The following DEF8 variants were observed in gnomAD, a reference collection of about 807,000 sequenced individuals.
DEF8 encodes differentially expressed in FDCP 8 homolog, also known as DEF-8.
Under a neutral mutation model 59.1 loss-of-function variants are expected in DEF8, and 38 were observed. The ratio of observed to expected loss-of-function variants is 0.64; its 90% CI spans 0.50 to 0.84. The LOEUF (loss-of-function observed/expected upper bound fraction) is 0.84, where lower values mean the gene tolerates loss of function less well. Ranked by LOEUF, DEF8 falls within the 40% of genes least tolerant of loss-of-function variation. The probability of loss-of-function intolerance (pLI) is 0.00; values close to 1 mark genes in which losing one functional copy is unlikely to be tolerated. For missense variants in DEF8, 557 were observed against 615.2 expected (o/e 0.91, Z 1.00); for synonymous variants, 265 against 250.1 (o/e 1.06, Z -0.56).
At chr16:89,964,881 C>G (rs888334329) in intron 12 of DEF8, among the ~76,000 whole-genome samples, 1 of 152,164 alleles carries the variant, frequency 6.6e-6, no homozygotes, top group African/African-American at 2.4e-5. Flanking sequence ...TCACAGCATC[C>G]CAGCTGCTCC....
rs746853604 is a variant in DEF8, at chr16:89,964,241, C to T, written c.1074C>T (p.Ala358=). 266 of 1,606,510 alleles carry T rather than the reference C, an allele frequency of 1.7e-4. 1 individual carries two copies. The Admixed American group carries it at 3.9e-3, about 23-fold the overall frequency. ...TCCAGGACCTCCTGGACGTGCATGC[C>T]GGCCGCCTGGGCTGCTCGCTCACCG... ...YSVQDLLDVH[A]GRLGCSLTEI... The change falls in exon 11 of 13, where the codon GCC becomes GCT. Residue 358 remains alanine (A), a synonymous_variant. Coordinates refer to ENST00000563594, the MANE Select transcript of DEF8 (RefSeq NM_001242818.2).
intron 2 of DEF8, chr16:89,949,933 C>A: frequency 1.2e-6 from 1 of 830,956 alleles, no homozygotes; most frequent in African/African-American, 1.8e-5. Context: ...GCCGGCATCC[C>A]CAGGTCTGTG....
chr16:89,957,793 A>T (rs541226021), intron 5 of DEF8, 133 bp downstream of exon 5: 5 of 1,132,172 alleles, frequency 4.4e-6, no homozygotes, highest in Middle Eastern at 3.0e-4. Flanking sequence ...CTGAGGTAGA[A>T]GGGCACGAGA....
chr16:89,955,096 T>C (rs2032920159), intron 3 of DEF8, 73 bp from the exon 4 acceptor site: 6 of 1,230,856 alleles, frequency 4.9e-6, no homozygotes, highest in Non-Finnish European at 7.1e-6. Flanking sequence ...CCTGGCTATC[T>C]CAGCTCCTCC....
intron 5 of DEF8, among the ~76,000 whole-genome samples, 183 bp from the exon 6 acceptor site, chr16:89,958,831 C>T (rs769692579): frequency 1.3e-4 from 20 of 152,174 alleles, no homozygotes; most frequent in Non-Finnish European, 7.3e-5. Context: ...GTGACCTTGG[C>T]GGTCCTTGTC....
At chr16:89,952,119 C>T (rs1001946770) in intron 2 of DEF8, among the ~76,000 whole-genome samples, 17 of 151,990 alleles carry the variant, frequency 1.1e-4, no homozygotes, top group African/African-American at 3.6e-4. Flanking sequence ...CCTGGTGATC[C>T]GCCCGCCTCG....
In DEF8 at chr16:89,967,602, TC is replaced by T. The variant is rs1015198141; in HGVS notation, c.*1643del. On this transcript the variant is annotated 3_prime_UTR_variant, in exon 13 of 13. Coordinates refer to ENST00000563594, the MANE Select transcript of DEF8 (RefSeq NM_001242818.2). ...CAACAGTGTGGGTTCCTGTCCTGTT[TC>T]CCCTTCCTCTTTGGGGCTGAGGAGG... The T allele has an allele frequency of 1.1e-4, 42 of 397,496 alleles. No homozygotes were observed. The highest frequency in any genetic ancestry group is 4.3e-4 in the African/African-American group (21 of 48,620). 24.6% of individuals were successfully genotyped at this position (397,496 alleles called of 1,614,324 possible). A position where few individuals can be genotyped will look rare whatever the true frequency, so the allele number is the denominator to read the frequency against.
chr16:89,962,150 G>A, intron 9 of DEF8, 25 bp downstream of exon 9: 1 of 1,595,502 alleles, frequency 6.3e-7, no homozygotes, highest in Non-Finnish European at 8.6e-7. Flanking sequence ...ATGGAAGTGG[G>A]GGGCGGGGGC....
At chr16:89,958,950 T>G in intron 5 of DEF8, 64 bp from the exon 6 acceptor site, 1 of 1,586,318 alleles carries the variant, frequency 6.3e-7, no homozygotes, top group Non-Finnish European at 8.5e-7. Flanking sequence ...GAGGGGCTTG[T>G]GCGAAGGGAA....
At chr16:89,961,180 C>G (rs2033977336) in intron 7 of DEF8, 85 bp downstream of exon 7, 4 of 1,526,886 alleles carry the variant, frequency 2.6e-6, no homozygotes, top group Non-Finnish European at 3.5e-6. Flanking sequence ...GCACGTAAGT[C>G]AGACAGTTGA....
At chr16:89,963,178 G>A (rs2034253599) in intron 9 of DEF8, among the ~76,000 whole-genome samples, 185 bp from the exon 10 acceptor site, 1 of 152,250 alleles carries the variant, frequency 6.6e-6, no homozygotes, top group Admixed American at 6.5e-5. Context: ...ACCACGGTAA[G>A]TGAGCCTCAC....
chr16:89,960,855 G>A, intron 6 of DEF8, 76 bp from the exon 7 acceptor site: 3 of 1,519,820 alleles, frequency 2.0e-6, no homozygotes, highest in Non-Finnish European at 1.8e-6. Flanking sequence ...CGGGGAGGGG[G>A]CAAGCCAGCT....
At chr16:89,950,025 ACTGT>A (rs2031716110) in intron 2 of DEF8, 1 of 1,025,180 alleles carries the variant, frequency 9.8e-7, no homozygotes, top group South Asian at 4.1e-5. Context: ...GCTGGCACTG[ACTGT>A]CAGTAAATAG....
rs2034585308 is a variant in DEF8 at position 89,966,074 on chromosome 16, C to T, written c.*111C>T. 6.3e-6 allele frequency: 5 copies of T among 790,586 alleles called. No homozygotes were observed. Among genetic ancestry groups the T allele is most frequent in the South Asian group, 3.4e-5 (2 of 59,294 alleles). 49.0% of individuals were successfully genotyped at this position (790,586 alleles called of 1,614,324 possible). A position where few individuals can be genotyped will look rare whatever the true frequency, so the allele number is the denominator to read the frequency against. Reference sequence around the variant, plus strand: ...CCTGGGGTGCGGCCCTGGCCCCCTCCACCCCTGCTGGGCCAGAGCGGGTGG... The same window carrying T: ...CCTGGGGTGCGGCCCTGGCCCCCTCTACCCCTGCTGGGCCAGAGCGGGTGG... On this transcript the variant is annotated 3_prime_UTR_variant, in exon 13 of 13. Coordinates refer to ENST00000563594, the MANE Select transcript of DEF8 (RefSeq NM_001242818.2).
At chr16:89,949,616 G>A in intron 2 of DEF8, 103 bp downstream of exon 2, 1 of 1,612,512 alleles carries the variant, frequency 6.2e-7, no homozygotes, top group Non-Finnish European at 8.5e-7. Context: ...TGGTCACGCC[G>A]CGGGCAGGAC....
chr16:89,949,488 C>T lies in DEF8; in HGVS notation c.-36C>T, dbSNP rs556919105. 2.5e-6 allele frequency: 4 copies of T among 1,612,774 alleles called. No individual in the cohort carries two copies. Among genetic ancestry groups the T allele is most frequent in the Middle Eastern group, 1.7e-4 (1 of 5,950 alleles). ...GGAATGGCCATCCTGTCCCTGCGAGCCCCTGGGCCCTGGCAGGCGATGCAG... is the reference window on the plus strand; with the variant it reads ...GGAATGGCCATCCTGTCCCTGCGAGTCCCTGGGCCCTGGCAGGCGATGCAG... On this transcript the variant is annotated 5_prime_UTR_variant, in exon 2 of 13. Transcript: ENST00000563594.
Position 89,954,711 on chromosome 16 carries a change from C to T in DEF8, c.124+335C>T, listed in dbSNP as rs745560145. ...GTTAGCCGAGGGAACGTGCTCTGGG[C>T]GTCAGGGTGGCATGAGCTTTAGAAA... On this transcript the variant is annotated intron_variant, in intron 3 of 12. Transcript: ENST00000563594. This position sits in a 1 kb window ranked among gnomAD's most constrained non-coding sequence, Gnocchi z 4.3. Among the ~76,000 whole-genome samples, 2 of 152,010 alleles carry T rather than the reference C, an allele frequency of 1.3e-5. No homozygotes were observed. Among genetic ancestry groups the T allele is most frequent in the South Asian group, 2.1e-4 (1 of 4,828 alleles).
At chr16:89,962,619 G>A (rs2034179258) in intron 9 of DEF8, among the ~76,000 whole-genome samples, 1 of 152,188 alleles carries the variant, frequency 6.6e-6, no homozygotes, top group Admixed American at 6.5e-5. Context: ...TCGCGTCACT[G>A]CACTCCAGCC....
chr16:89,950,832 A>T (rs2031901672), intron 2 of DEF8, among the ~76,000 whole-genome samples: 2 of 152,250 alleles, frequency 1.3e-5, no homozygotes, highest in Admixed American at 1.3e-4. Context: ...GTTAAAAAAA[A>T]TTAGCTGAGT....
Sources: allele counts gnomAD v4.1 joint callset (sites outside exome capture counted in the v4.1 genomes callset), GRCh38; gene constraint gnomAD v4.1.1; non-coding constraint Gnocchi (gnomAD v3.1); transcripts MANE v1.5; gene names NCBI Gene and HGNC (gene_info 2026-07-23, HGNC 2026-07-21).